ZNF385B: variants seen among roughly 807,000 people sequenced by gnomAD.
ZNF385B encodes zinc finger protein 533.
ZNF385B carries 23 observed loss-of-function variants against 39.2 expected under a neutral mutation model. The observed-to-expected ratio is 0.59, with a 90% CI of 0.42 to 0.83. ZNF385B has a LOEUF of 0.83. Ranked by LOEUF, ZNF385B falls within the 40% of genes least tolerant of loss-of-function variation. ZNF385B has a pLI of 0.00. For synonymous variants in ZNF385B, 205 were observed against 222.6 expected (o/e 0.92, Z 0.70); for missense variants, 552 against 598.9 (o/e 0.92, Z 0.82).
intron 3 of ZNF385B, 50 bp downstream of exon 3, chr2:179,769,453 C>T: frequency 6.2e-7 from 1 of 1,603,544 alleles, no homozygotes. Flanking sequence ...TTTTCCAGAC[C>T]AGGACCATCT....
intron 3 of ZNF385B, among the ~76,000 whole-genome samples, chr2:179,667,020 T>C (rs1695247278): frequency 6.6e-6 from 1 of 152,160 alleles, no homozygotes; most frequent in Non-Finnish European, 1.5e-5. Context: ...AGTTAACAAC[T>C]TGCATAATAA....
At chr2:179,774,616 C>T (rs1263272225) in intron 1 of ZNF385B, among the ~76,000 whole-genome samples, 1 of 152,116 alleles carries the variant, frequency 6.6e-6, no homozygotes, top group Non-Finnish European at 1.5e-5. Flanking sequence ...CTCAGCCTCC[C>T]AAAGTGCTGG....
intron 3 of ZNF385B, among the ~76,000 whole-genome samples, chr2:179,685,838 T>C (rs577805183): frequency 1.3e-5 from 2 of 152,330 alleles, no homozygotes; most frequent in South Asian, 2.1e-4. Context: ...GTCTGGTAGA[T>C]TCCTAATAAA....
chr2:179,661,080 CTAGT>C (rs1211195841), intron 3 of ZNF385B, among the ~76,000 whole-genome samples: 1 of 151,928 alleles, frequency 6.6e-6, no homozygotes, highest in Admixed American at 6.6e-5. Context: ...GTTAACATGA[CTAGT>C]TACTTTTATT....
intron 3 of ZNF385B, among the ~76,000 whole-genome samples, chr2:179,598,499 T>A (rs900926770): frequency 1.3e-5 from 2 of 152,168 alleles, no homozygotes; most frequent in Non-Finnish European, 2.9e-5. Context: ...TGTTACAGAC[T>A]TTTTTTGATG....
At chr2:179,766,056 A>ACACACG (rs1703673652) in intron 3 of ZNF385B, among the ~76,000 whole-genome samples, 1 of 151,634 alleles carries the variant, frequency 6.6e-6, no homozygotes, top group African/African-American at 2.4e-5. Flanking sequence ...ACACACACAC[A>ACACACG]CACACACACA....
chr2:179,510,186 T>C (rs1055005969), intron 5 of ZNF385B, among the ~76,000 whole-genome samples: 2 of 152,168 alleles, frequency 1.3e-5, no homozygotes, highest in African/African-American at 4.8e-5. Context: ...GCAGTTGATG[T>C]GTATGTGTGG....
intron 3 of ZNF385B, among the ~76,000 whole-genome samples, chr2:179,694,475 C>A (rs1377878405): frequency 6.6e-6 from 1 of 151,208 alleles, no homozygotes; most frequent in Non-Finnish European, 1.5e-5. Context: ...AGAGAAAATA[C>A]AAAATTGCCT....
chr2:179,834,115 G>A (rs1387187946), intron 1 of ZNF385B, among the ~76,000 whole-genome samples: 1 of 152,082 alleles, frequency 6.6e-6, no homozygotes, highest in African/African-American at 2.4e-5. Flanking sequence ...AGAATTAGAG[G>A]TGTCAGTAAG....
At chr2:179,567,966 T>C (rs986388326) in intron 3 of ZNF385B, among the ~76,000 whole-genome samples, 4 of 152,156 alleles carry the variant, frequency 2.6e-5, no homozygotes, top group African/African-American at 9.7e-5. Flanking sequence ...CCAAGCAAAC[T>C]GTTTAAAAAT....
chr2:179,587,096 A>G (rs1325003184), intron 3 of ZNF385B, among the ~76,000 whole-genome samples: 3 of 150,370 alleles, frequency 2.0e-5, no homozygotes, highest in South Asian at 2.1e-4. Flanking sequence ...CTTCCTCCCT[A>G]CTCCCCACTC....
chr2:179,694,982 AGG>A, intron 3 of ZNF385B, among the ~76,000 whole-genome samples: 1 of 151,818 alleles, frequency 6.6e-6, no homozygotes. Flanking sequence ...GAGGAGGAGG[AGG>A]AGGAGAAGAA....
chr2:179,688,821 C>T (rs1401564556), intron 3 of ZNF385B, among the ~76,000 whole-genome samples: 1 of 152,186 alleles, frequency 6.6e-6, no homozygotes, highest in Non-Finnish European at 1.5e-5. Flanking sequence ...TCTTCCCAAC[C>T]CCTACCAATT....
chr2:179,675,328 G>C (rs1559072979), intron 3 of ZNF385B, among the ~76,000 whole-genome samples: 1 of 152,166 alleles, frequency 6.6e-6, no homozygotes, highest in Non-Finnish European at 1.5e-5. Context: ...AGGAGGCACT[G>C]GCTTGCTGTC....
intron 3 of ZNF385B, among the ~76,000 whole-genome samples, chr2:179,759,215 T>C (rs1703222755): frequency 6.6e-6 from 1 of 152,166 alleles, no homozygotes; most frequent in Non-Finnish European, 1.5e-5. Flanking sequence ...TATGGTCAGT[T>C]TTATCTGGAC....
At chr2:179,769,408 T>G in intron 3 of ZNF385B, 95 bp downstream of exon 3, 1 of 1,533,962 alleles carries the variant, frequency 6.5e-7, no homozygotes, top group Non-Finnish European at 8.8e-7. Flanking sequence ...AGCCCAGTTT[T>G]AAGGTAAAAA....
intron 3 of ZNF385B, among the ~76,000 whole-genome samples, chr2:179,754,125 G>A (rs968589256): frequency 2.0e-5 from 3 of 152,128 alleles, no homozygotes; most frequent in Admixed American, 1.3e-4. Flanking sequence ...CTAATTTATT[G>A]AGAGTTTTTA....
chr2:179,550,757 C>T (rs2105925331), intron 3 of ZNF385B, among the ~76,000 whole-genome samples: 1 of 149,362 alleles, frequency 6.7e-6, no homozygotes, highest in Non-Finnish European at 1.5e-5. Context: ...CAAGTTATTT[C>T]ATGCTCTGAT....
chr2:179,493,773 A>ATAATACATATG, intron 5 of ZNF385B, among the ~76,000 whole-genome samples: 1 of 73,940 alleles, frequency 1.4e-5, no homozygotes, highest in East Asian at 3.5e-4. Context: ...GTATACATAT[A>ATAATACATATG]TGTATATACA....
Sources: gnomAD v4.1 joint callset for allele counts (sites outside exome capture counted in the v4.1 genomes callset) on GRCh38, gnomAD v4.1.1 for gene constraint, MANE v1.5 for transcripts, NCBI Gene and HGNC (gene_info 2026-07-23, HGNC 2026-07-21) for gene names.